XKR4: variants seen among roughly 807,000 people sequenced by gnomAD.
XKR4 encodes XK related 4.
Under a neutral mutation model 53.9 loss-of-function variants are expected in XKR4, and 12 were observed. The ratio of observed to expected loss-of-function variants is 0.22; its 90% confidence interval spans 0.14 to 0.36. The LOEUF is 0.36. XKR4 is among the 10% of genes least tolerant of loss of function. The pLI is 1.00. For missense variants in XKR4, 799 were observed against 859.5 expected, an observed-to-expected ratio of 0.93 and a Z score of 0.88; for synonymous variants, 354 against 362.4, an observed-to-expected ratio of 0.98 and a Z score of 0.26.
intron 1 of XKR4, among the ~76,000 whole-genome samples, chr8:55,246,197 T>C (rs1818284255): frequency 6.6e-6 from 1 of 152,290 alleles, no homozygotes; most frequent in Non-Finnish European, 1.5e-5. Flanking sequence ...CCATATCTTG[T>C]GTATACTGCT....
Position 55,450,196 on chromosome 8 carries a change from G to T in XKR4, c.1007-73085G>T, listed in dbSNP as rs1323330815. The T allele has an allele frequency of 1.7e-5, 11 of 661,386 alleles. No individual in the cohort carries two copies. The Admixed American group carries it at 2.2e-4, about 13-fold the overall frequency. The allele number at this position is 661,386 out of a possible 1,614,324, so 41.0% of individuals were successfully genotyped here. ...GGCTCGGGGGCAGCTGTGGTAGCAG[G>T]GCCACACCACACAGCACCTGCTCTG... On this transcript the variant is annotated intron_variant, in intron 2 of 2. Transcript: ENST00000327381.
intron 1 of XKR4, among the ~76,000 whole-genome samples, chr8:55,267,647 G>A (rs1481689646): frequency 6.8e-6 from 1 of 147,120 alleles, no homozygotes; most frequent in Non-Finnish European, 1.5e-5. Context: ...TAGTTTGGTG[G>A]GTTTAGGGTT....
intron 1 of XKR4, among the ~76,000 whole-genome samples, chr8:55,269,143 A>G (rs1818652710): frequency 1.3e-5 from 2 of 152,326 alleles, no homozygotes; most frequent in African/African-American, 4.8e-5. Flanking sequence ...AGAGTAAATT[A>G]TCTCTAAATA....
At chr8:55,480,457 C>A (rs1806083146) in intron 2 of XKR4, among the ~76,000 whole-genome samples, 1 of 152,138 alleles carries the variant, frequency 6.6e-6, no homozygotes, top group African/African-American at 2.4e-5. Context: ...ACTGAATGGG[C>A]AAAAATTGGA....
chr8:55,315,883 T>C (rs10504188), intron 1 of XKR4, among the ~76,000 whole-genome samples: 18,675 of 152,152 alleles, frequency 0.12, 1,482 homozygotes, highest in Non-Finnish European at 0.18. Flanking sequence ...TGATAGCATC[T>C]CTCTGAAAAT....
chr8:55,251,101 G>A (rs1033395010), intron 1 of XKR4, among the ~76,000 whole-genome samples: 36 of 152,318 alleles, frequency 2.4e-4, no homozygotes, highest in African/African-American at 3.4e-4. Flanking sequence ...AGGCATAGGC[G>A]TAGACGTAAG....
chr8:55,427,904 G>A (rs961539296), intron 2 of XKR4, among the ~76,000 whole-genome samples: 4 of 152,180 alleles, frequency 2.6e-5, no homozygotes, highest in Non-Finnish European at 5.9e-5. Context: ...CTAATCTGCA[G>A]ATGAGCTCAT....
intron 1 of XKR4, among the ~76,000 whole-genome samples, chr8:55,315,556 T>C (rs777153722): frequency 6.6e-6 from 1 of 152,060 alleles, no homozygotes; most frequent in Non-Finnish European, 1.5e-5. Flanking sequence ...CTAATTGGGA[T>C]GGTGAGGGAG....
intron 1 of XKR4, among the ~76,000 whole-genome samples, chr8:55,347,306 T>C (rs1803663464): frequency 6.6e-6 from 1 of 152,210 alleles, no homozygotes; most frequent in Admixed American, 6.5e-5. Flanking sequence ...AAATGCAATT[T>C]ACATGTTCAG....
intron 1 of XKR4, among the ~76,000 whole-genome samples, chr8:55,112,663 C>T (rs1473971125): frequency 7.4e-6 from 1 of 135,112 alleles, no homozygotes; most frequent in African/African-American, 2.8e-5. Context: ...TTCCCTATAA[C>T]TTCTATCATT....
intron 2 of XKR4, among the ~76,000 whole-genome samples, chr8:55,485,493 A>C (rs1806178549): frequency 6.6e-6 from 1 of 152,228 alleles, no homozygotes; most frequent in Admixed American, 6.5e-5. Flanking sequence ...GAAATGTAAA[A>C]TATAATACTA....
At chr8:55,523,193 C>G in intron 2 of XKR4, 88 bp from the exon 3 acceptor site, 1 of 1,231,004 alleles carries the variant, frequency 8.1e-7, no homozygotes. Flanking sequence ...CAAAGCCAGC[C>G]TTCCCCAAGC....
At chr8:55,147,953 C>A (rs1357104201) in intron 1 of XKR4, among the ~76,000 whole-genome samples, 1 of 152,116 alleles carries the variant, frequency 6.6e-6, no homozygotes, top group African/African-American at 2.4e-5. Flanking sequence ...GGACAAGACT[C>A]TTGGACTCTC....
At chr8:55,159,184 T>C (rs1585910832) in intron 1 of XKR4, among the ~76,000 whole-genome samples, 1 of 152,202 alleles carries the variant, frequency 6.6e-6, no homozygotes, top group African/African-American at 2.4e-5. Context: ...ACAATTCTCA[T>C]TGTAGAGATA....
chr8:55,430,386 T>A (rs1388796960), intron 2 of XKR4, among the ~76,000 whole-genome samples: 8 of 152,206 alleles, frequency 5.3e-5, no homozygotes, highest in African/African-American at 1.4e-4. Context: ...TACCCCAAAC[T>A]GGAAACAATC....
At chr8:55,487,463 C>CT (rs1806210158) in intron 2 of XKR4, among the ~76,000 whole-genome samples, 1 of 123,196 alleles carries the variant, frequency 8.1e-6, no homozygotes, top group African/African-American at 2.7e-5. Flanking sequence ...TCTAGACATG[C>CT]TTTCTTTTTT....
chr8:55,163,193 A>G (rs1273579442), intron 1 of XKR4, among the ~76,000 whole-genome samples: 2 of 152,226 alleles, frequency 1.3e-5, no homozygotes, highest in East Asian at 3.9e-4. Flanking sequence ...AATTCTTTGA[A>G]CTTAAGCCTC....
intron 1 of XKR4, among the ~76,000 whole-genome samples, chr8:55,324,329 C>A (rs867549428): frequency 2.0e-5 from 3 of 152,334 alleles, no homozygotes; most frequent in South Asian, 4.1e-4. Context: ...ATCACAGGCT[C>A]AAGCAATCCA....
chr8:55,340,308 A>G (rs1414162349), intron 1 of XKR4, among the ~76,000 whole-genome samples: 1 of 152,204 alleles, frequency 6.6e-6, no homozygotes, highest in African/African-American at 2.4e-5. Context: ...TTGGTTCTTG[A>G]CACATTGTGC....
Sources: allele counts gnomAD v4.1 joint callset (sites outside exome capture counted in the v4.1 genomes callset), GRCh38; gene constraint gnomAD v4.1.1; transcripts MANE v1.5; gene names NCBI Gene and HGNC (gene_info 2026-07-23, HGNC 2026-07-21).